Variants in HNF1A observed in about 807,000 individuals in gnomAD.
HNF1A encodes hepatocyte nuclear factor 1-alpha.
Under a neutral mutation model 62.2 loss-of-function variants are expected in HNF1A, and 21 were observed. That is an observed-to-expected ratio of 0.34 (90% CI 0.24 to 0.49). HNF1A has a LOEUF of 0.49. Among genes scored for constraint, HNF1A ranks in the 20% least tolerant of loss-of-function variants. HNF1A has a pLI of 0.99. For synonymous variants in HNF1A, 374 were observed against 366.8 expected, an observed-to-expected ratio of 1.02 and a Z score of -0.22; for missense variants, 687 against 832.3, an observed-to-expected ratio of 0.83 and a Z score of 2.15.
Position 120,997,541 on chromosome 12 carries a change from G to A in HNF1A, c.1377G>A (p.Leu459=), listed in dbSNP as rs118028009. The A allele has an allele frequency of 1.6e-4, 264 of 1,613,408 alleles. 1 individual carries two copies. In the East Asian group the frequency reaches 5.5e-3, roughly 34 times the overall value. ...INSMGSSLTT[L]QPVQFSQPLH... ...GCATGGGCAGCAGCCTGACCACCCT[G>A]CAGCCCGTCCAGTTCTCCCAGCCGC... The change falls in exon 7 of 10, where the codon CTG becomes CTA. Residue 459 remains leucine, a synonymous_variant. Coordinates refer to ENST00000257555, the MANE Select transcript of HNF1A (RefSeq NM_000545.8).
At chr12:120,988,459 C>CCCATTCAT (rs529445994) in intron 1 of HNF1A, among the ~76,000 whole-genome samples, 4 of 152,034 alleles carry the variant, frequency 2.6e-5, no homozygotes, top group Admixed American at 1.3e-4. Flanking sequence ...CGTCCATCCA[C>CCCATTCAT]CCATTCATCC....
rs1322293383 is a variant in HNF1A at position 120,997,549 on chromosome 12, T to C, written c.1385T>C (p.Val462Ala). The change falls in exon 7 of 10, where the codon GTC (valine) becomes GCC (alanine). Residue 462 changes from valine to alanine, a missense_variant. Coordinates refer to ENST00000257555, the MANE Select transcript of HNF1A (RefSeq NM_000545.8). ...AGCAGCCTGACCACCCTGCAGCCCGTCCAGTTCTCCCAGCCGCTGCACCCC... is the reference window on the plus strand; with the variant it reads ...AGCAGCCTGACCACCCTGCAGCCCGCCCAGTTCTCCCAGCCGCTGCACCCC... ...MGSSLTTLQPVQFSQPLHPSY... is the reference protein window; with the variant it reads ...MGSSLTTLQPAQFSQPLHPSY... The C allele has an allele frequency of 1.2e-6, 2 of 1,613,490 alleles. No individual in the cohort carries two copies. The highest frequency in any genetic ancestry group is 1.7e-6 in the Non-Finnish European group (2 of 1,179,990).
intron 1 of HNF1A, among the ~76,000 whole-genome samples, chr12:120,981,240 T>C (rs1214082006): frequency 6.6e-6 from 1 of 152,158 alleles, no homozygotes; most frequent in Non-Finnish European, 1.5e-5. Context: ...GCAGAATGTC[T>C]AGTAGAAGCT....
chr12:120,999,262 G>A lies in HNF1A; in HGVS notation c.1502-6G>A, dbSNP rs1458430820. On this transcript the variant is annotated splice_polypyrimidine_tract_variant and splice_region_variant and intron_variant, in intron 7 of 9. Coordinates refer to ENST00000257555, the MANE Select transcript of HNF1A (RefSeq NM_000545.8). ...CCACGTCTGCCCCTCTCTCCCCTGCGGCCAGCCCTCTACAGCCACAAGCCC... is the reference window on the plus strand; with the variant it reads ...CCACGTCTGCCCCTCTCTCCCCTGCAGCCAGCCCTCTACAGCCACAAGCCC... The A allele has an allele frequency of 2.5e-6, 4 of 1,613,838 alleles. No individual in the cohort carries two copies. Among genetic ancestry groups the A allele is most frequent in the Non-Finnish European group, 3.4e-6 (4 of 1,179,994 alleles).
At position 120,996,849 on chromosome 12, in the gene HNF1A, A is replaced by T. The variant is rs61321446; in HGVS notation, c.1309+107A>T. 1.8e-6 allele frequency: 1 copy of T among 551,082 alleles called. No homozygotes were observed. Among genetic ancestry groups the T allele is most frequent in the South Asian group, 2.1e-5 (1 of 48,100 alleles). The allele number at this position is 551,082 out of a possible 1,614,324, so 34.1% of individuals were successfully genotyped here. ...GGACTCATTCATTCATTCATACAAC[A>T]TGTATTTATCCAGTGCCTACTCTGG... On this transcript the variant is annotated intron_variant, in intron 6 of 9. Coordinates refer to ENST00000257555, the MANE Select transcript of HNF1A (RefSeq NM_000545.8). The surrounding 1 kb of genome is among the most constrained non-coding windows in gnomAD (Gnocchi z 4.5).
intron 3 of HNF1A, 107 bp downstream of exon 3, chr12:120,993,813 ACTC>A (rs1050539560): frequency 8.4e-7 from 1 of 1,184,180 alleles, no homozygotes; most frequent in African/African-American, 1.5e-5. Context: ...GTTGCCGAGA[ACTC>A]CTGATATTGG....
At chr12:120,984,906 T>C (rs1876432188) in intron 1 of HNF1A, among the ~76,000 whole-genome samples, 1 of 151,070 alleles carries the variant, frequency 6.6e-6, no homozygotes, top group Admixed American at 6.6e-5. Flanking sequence ...GCACGGTGCC[T>C]GGCTCACAGT....
chr12:120,990,635 TAG>T (rs2135835305), intron 2 of HNF1A, among the ~76,000 whole-genome samples: 1 of 92,184 alleles, frequency 1.1e-5, no homozygotes, highest in East Asian at 2.4e-4. Flanking sequence ...GGAGGAAAGA[TAG>T]GAAAGGGAGG....
chr12:121,001,758 T>C lies in HNF1A; in HGVS notation c.*566T>C. 1 of 534,854 alleles carries C rather than the reference T, an allele frequency of 1.9e-6. No individual in the cohort carries two copies. The highest frequency in any genetic ancestry group is 3.6e-6 in the Non-Finnish European group (1 of 275,756). The allele number at this position is 534,854 out of a possible 1,614,324, so 33.1% of individuals were successfully genotyped here. A position where few individuals can be genotyped will look rare whatever the true frequency, so the allele number is the denominator to read the frequency against. ...ATCACCTACTCACACAGGCATTTCC[T>C]GGGTGGCTACTCTGTGCCAGAGCCT... On this transcript the variant is annotated 3_prime_UTR_variant, in exon 10 of 10. Transcript: ENST00000257555.
chr12:120,999,726 T>G lies in HNF1A; in HGVS notation c.1768+99T>G. 3 of 1,444,252 alleles carry G rather than the reference T, an allele frequency of 2.1e-6. No homozygotes were observed. The South Asian group carries it at 4.0e-5, about 19-fold the overall frequency. 89.5% of individuals were successfully genotyped at this position (1,444,252 alleles called of 1,614,324 possible). Reference sequence around the variant, plus strand: ...CTGTCCGTCACTGTGGGGCTGTGCATGCAGCAGGCCTAGGGCTGCTGTGAG... The same window carrying G: ...CTGTCCGTCACTGTGGGGCTGTGCAGGCAGCAGGCCTAGGGCTGCTGTGAG... On this transcript the variant is annotated intron_variant, in intron 9 of 9. Coordinates refer to ENST00000257555, the MANE Select transcript of HNF1A (RefSeq NM_000545.8).
At position 120,994,953 on chromosome 12, in the gene HNF1A, C is replaced by T. The variant is rs575489037; in HGVS notation, c.955+548C>T. Among the ~76,000 whole-genome samples the T allele has an allele frequency of 2.6e-5, 4 of 151,260 alleles. No homozygotes were observed. In the East Asian group the frequency reaches 7.9e-4, roughly 30 times the overall value. ...TCCATCCACTCCACTCCATCCATTC[C>T]CTCCAACTTCATCCCATCCAGTACA... On this transcript the variant is annotated intron_variant, in intron 4 of 9. Coordinates refer to ENST00000257555, the MANE Select transcript of HNF1A (RefSeq NM_000545.8).
chr12:121,000,936 G>A lies in HNF1A; in HGVS notation c.1769-129G>A, dbSNP rs1592900370. The A allele has an allele frequency of 3.0e-5, 39 of 1,312,902 alleles. No individual in the cohort carries two copies. In the South Asian group the frequency reaches 4.5e-4, roughly 15 times the overall value. 81.3% of individuals were successfully genotyped at this position (1,312,902 alleles called of 1,614,324 possible). A position where few individuals can be genotyped will look rare whatever the true frequency, so the allele number is the denominator to read the frequency against. Reference sequence around the variant, plus strand: ...ACCGAGGGTAGAGGTGTGACTTTGGGGTTCCTGTTATCTGCTGTGATCCAG... The same window carrying A: ...ACCGAGGGTAGAGGTGTGACTTTGGAGTTCCTGTTATCTGCTGTGATCCAG... On this transcript the variant is annotated intron_variant, in intron 9 of 9. Transcript: ENST00000257555.
chr12:121,001,024 G>A (rs745674674), intron 9 of HNF1A, 41 bp from the exon 10 acceptor site: 4 of 1,610,386 alleles, frequency 2.5e-6, no homozygotes, highest in Non-Finnish European at 3.4e-6. Flanking sequence ...GGTGGGTGTG[G>A]GTGCCTGGTG....
intron 6 of HNF1A, chr12:120,997,212 C>T (rs532318581): frequency 4.1e-5 from 58 of 1,420,066 alleles, no homozygotes; most frequent in South Asian, 9.3e-5. Flanking sequence ...TCCAGGGAAC[C>T]GCAGTTTGAC....
chr12:120,983,694 C>T (rs56309579), intron 1 of HNF1A, among the ~76,000 whole-genome samples: 14 of 151,794 alleles, frequency 9.2e-5, no homozygotes, highest in Admixed American at 3.9e-4. Context: ...CACAGGCATA[C>T]GACACCACAC....
rs1223364723 is a variant in HNF1A at position 121,000,930 on chromosome 12, C to CT, written c.1769-132dup. 3 of 1,270,256 alleles carry CT rather than the reference C, an allele frequency of 2.4e-6. No homozygotes were observed. In the East Asian group the frequency reaches 7.1e-5, roughly 30 times the overall value. 78.7% of individuals were successfully genotyped at this position (1,270,256 alleles called of 1,614,324 possible). On this transcript the variant is annotated intron_variant, in intron 9 of 9. Coordinates refer to ENST00000257555, the MANE Select transcript of HNF1A (RefSeq NM_000545.8). ...TGAAGAACCGAGGGTAGAGGTGTGA[C>CT]TTTGGGGTTCCTGTTATCTGCTGTG...
Position 121,002,469 on chromosome 12 carries a change from GTTTA to G in HNF1A, c.*1282_*1285del, listed in dbSNP as rs1376662862. The G allele has an allele frequency of 5.7e-6, 3 of 524,036 alleles. No individual in the cohort carries two copies. The highest frequency in any genetic ancestry group is 8.2e-5 in the East Asian group (2 of 24,318). 32.5% of individuals were successfully genotyped at this position (524,036 alleles called of 1,614,324 possible). On this transcript the variant is annotated 3_prime_UTR_variant, in exon 10 of 10. Coordinates refer to ENST00000257555, the MANE Select transcript of HNF1A (RefSeq NM_000545.8). ...TGTAGCCAGCCGGGGCGAGTGGCAC[GTTTA>G]TTTAACTTTTAGTAAAGTCAAGGAG...
chr12:120,987,592 ATAT>A (rs764672625), intron 1 of HNF1A, among the ~76,000 whole-genome samples: 7 of 136,752 alleles, frequency 5.1e-5, no homozygotes, highest in South Asian at 4.6e-4. Context: ...TTTTAAAAAT[ATAT>A]ATATATATAT....
At chr12:120,997,789 C>G in intron 7 of HNF1A, 124 bp downstream of exon 7, 2 of 1,041,636 alleles carry the variant, frequency 1.9e-6, no homozygotes, top group South Asian at 1.4e-5. Flanking sequence ...AGTGTGTTTC[C>G]GTGATTGAGG....
Sources: gnomAD v4.1 joint callset for allele counts (sites outside exome capture counted in the v4.1 genomes callset) on GRCh38, gnomAD v4.1.1 for gene constraint, Gnocchi (gnomAD v3.1) non-coding constraint, MANE v1.5 for transcripts, NCBI Gene and HGNC (gene_info 2026-07-23, HGNC 2026-07-21) for gene names.